Variants in PRUNE2 observed in about 807,000 individuals in gnomAD.
The protein encoded by PRUNE2 is prune homolog 2 with BCH domain, also known as protein prune homolog 2.
In PRUNE2, 164 loss-of-function variants were observed where a neutral mutation model predicts 252.0. The ratio of observed to expected loss-of-function variants is 0.65; its 90% confidence interval spans 0.57 to 0.74. The LOEUF is 0.74. Ranked by LOEUF, PRUNE2 falls within the 30% of genes least tolerant of loss-of-function variation. PRUNE2 has a pLI of 0.00. For missense variants in PRUNE2, 3,495 were observed against 3,711.0 expected, an observed-to-expected ratio of 0.94 and a Z score of 1.51; for synonymous variants, 1,292 against 1,350.2, an observed-to-expected ratio of 0.96 and a Z score of 0.94.
At chr9:76,792,981 T>C (rs960007308) in intron 6 of PRUNE2, among the ~76,000 whole-genome samples, 11 of 152,354 alleles carry the variant, frequency 7.2e-5, no homozygotes, top group African/African-American at 2.6e-4. Flanking sequence ...GGGGGCTTAC[T>C]AGTCCATTTT....
At chr9:76,823,196 T>C (rs1438223090) in intron 6 of PRUNE2, 1 of 152,912 alleles carries the variant, frequency 6.5e-6, no homozygotes, top group Non-Finnish European at 1.5e-5. Context: ...ATTACCAAAA[T>C]GGCATGCATT....
chr9:76,769,665 T>C (rs1235260786), intron 6 of PRUNE2, among the ~76,000 whole-genome samples: 1 of 152,182 alleles, frequency 6.6e-6, no homozygotes, highest in Admixed American at 6.5e-5. Flanking sequence ...CATCAGGTGA[T>C]CCGCCCGCCT....
At chr9:76,903,161 C>T (rs1048867643) in intron 1 of PRUNE2, among the ~76,000 whole-genome samples, 3 of 152,146 alleles carry the variant, frequency 2.0e-5, no homozygotes, top group Admixed American at 6.5e-5. Context: ...GAAAAAAAGA[C>T]ACACAATTTT....
chr9:76,752,993 T>A (rs1468702533), intron 6 of PRUNE2, among the ~76,000 whole-genome samples: 1 of 152,226 alleles, frequency 6.6e-6, no homozygotes, highest in Non-Finnish European at 1.5e-5. Flanking sequence ...AAACTATGTA[T>A]TAACTCTAAA....
At chr9:76,668,983 G>A (rs1563977628) in intron 9 of PRUNE2, among the ~76,000 whole-genome samples, 1 of 151,048 alleles carries the variant, frequency 6.6e-6, no homozygotes, top group Non-Finnish European at 1.5e-5. Flanking sequence ...TGTTTTCACA[G>A]TCATCCCTCT....
At chr9:76,867,250 C>A (rs946969787) in intron 1 of PRUNE2, among the ~76,000 whole-genome samples, 1 of 126,714 alleles carries the variant, frequency 7.9e-6, no homozygotes, top group African/African-American at 2.8e-5. Context: ...TCATGGCTTT[C>A]TTTTTTATCT....
intron 4 of PRUNE2, among the ~76,000 whole-genome samples, chr9:76,838,645 CAAAAAAAAAAAAAAA>C (rs10540002): frequency 2.4e-5 from 2 of 84,654 alleles, no homozygotes; most frequent in Non-Finnish European, 4.9e-5. Flanking sequence ...AACTCTGTCT[CAAAAAAAAAAAAAAA>C]AAAAAAAAAC....
At position 76,619,093 on chromosome 9, in the gene PRUNE2, C is replaced by T. The variant is rs577935926; in HGVS notation, c.9236+247G>A. 4.6e-5 allele frequency among the ~76,000 whole-genome samples: 7 copies of T among 152,310 alleles called. No homozygotes were observed. In the South Asian group the frequency reaches 1.4e-3, roughly 32 times the overall value. ...TCTGGTCCTAATATTCATTTTCTTC[C>T]CATTTTTGGATTGGAAAAATAGAAT... On this transcript the variant is annotated intron_variant, in intron 18 of 18. Coordinates refer to ENST00000376718, the MANE Select transcript of PRUNE2 (RefSeq NM_015225.3).
rs557835736 is a variant in PRUNE2 at position 76,672,027 on chromosome 9, G to C, written c.8277-16525C>G. Among the ~76,000 whole-genome samples the C allele has an allele frequency of 6.1e-3, 920 of 149,936 alleles. 7 individuals carry two copies. Among genetic ancestry groups the C allele is most frequent in the African/African-American group, 0.021 (869 of 41,154 alleles). On this transcript the variant is annotated intron_variant, in intron 9 of 18. Transcript: ENST00000376718. ...CAAAATAACCAGCTAACATCATAATGACAGGATCAAATTCACACATAACAA... is the reference window on the plus strand; with the variant it reads ...CAAAATAACCAGCTAACATCATAATCACAGGATCAAATTCACACATAACAA...
chr9:76,722,379 T>C (rs2047725173), intron 6 of PRUNE2, among the ~76,000 whole-genome samples: 4 of 152,160 alleles, frequency 2.6e-5, no homozygotes, highest in Admixed American at 1.3e-4. Flanking sequence ...CTACACTCTA[T>C]TGTTCTTGTT....
At chr9:76,867,566 T>TTTG (rs570309622) in intron 1 of PRUNE2, among the ~76,000 whole-genome samples, 22 of 151,974 alleles carry the variant, frequency 1.4e-4, no homozygotes, top group South Asian at 1.3e-3. Flanking sequence ...GTTTTGCTCT[T>TTTG]TTGTTGTTGT....
intron 1 of PRUNE2, among the ~76,000 whole-genome samples, chr9:76,892,511 A>C (rs2062546579): frequency 1.3e-5 from 2 of 152,256 alleles, no homozygotes; most frequent in Admixed American, 1.3e-4. Context: ...TAACAATAGC[A>C]AAAAGGAGGG....
In PRUNE2 at chr9:76,850,588, C is replaced by A. The variant is rs929240367; in HGVS notation, c.219G>T (p.Arg73Ser). The change falls in exon 3 of 19, where the codon AGG (arginine) becomes AGT (serine). Residue 73 changes from arginine (R) to serine (S), a missense_variant. Arg to Ser is a moderately radical substitution (Grantham distance 110). Transcript: ENST00000376718. The part of the protein sequence containing the change: ...RTEFNYFTET[R>S]FILEELNISE... ...AAATATTTAGCTCTTCTAAAATAAA[C>A]CTCGTCTCGGTGAAGTAGTTGAATT... The A allele has an allele frequency of 6.2e-7, 1 of 1,613,982 alleles. No homozygotes were observed. The highest frequency in any genetic ancestry group is 8.5e-7 in the Non-Finnish European group (1 of 1,179,898).
intron 9 of PRUNE2, among the ~76,000 whole-genome samples, chr9:76,663,360 G>C (rs942823936): frequency 6.6e-6 from 1 of 152,220 alleles, no homozygotes; most frequent in African/African-American, 2.4e-5. Flanking sequence ...GTGAGAGCTG[G>C]AAACTGACTG....
In PRUNE2 at chr9:76,709,367, G is replaced by A; in HGVS notation, c.2907C>T (p.Thr969=). The change falls in exon 8 of 19, where the codon ACC becomes ACT. Residue 969 remains threonine, a synonymous_variant. Coordinates refer to ENST00000376718, the MANE Select transcript of PRUNE2 (RefSeq NM_015225.3). ...ATGTTGGTGATGTGTAAGAGTCTGA[G>A]GTGGAATAATTGGTATCTAAGGGGG... The part of the protein sequence containing the change: ...VPSPLDTNYS[T]SDSYTSPTFA... 1 of 1,613,998 alleles carries A rather than the reference G, an allele frequency of 6.2e-7. No homozygotes were observed. Among genetic ancestry groups the A allele is most frequent in the Non-Finnish European group, 8.5e-7 (1 of 1,179,876 alleles).
In PRUNE2 at chr9:76,703,615, G is replaced by A. The variant is rs774280991; in HGVS notation, c.7998C>T (p.Leu2666=). The A allele has an allele frequency of 1.8e-5, 29 of 1,612,702 alleles. No homozygotes were observed. Among genetic ancestry groups the A allele is most frequent in the South Asian group, 9.9e-5 (9 of 91,086 alleles). Residue 2666 remains leucine (L), a synonymous_variant, in exon 9 of 19, where the codon CTC becomes CTT. Coordinates refer to ENST00000376718, the MANE Select transcript of PRUNE2 (RefSeq NM_015225.3). ...GCAGCTGGGGACCCTCACCCAAGCC[G>A]AGTTCAGAGAACGGCTCCACAGTCT... The part of the protein sequence containing the change: ...SGKTVEPFSE[L]GLGEGPQLQI...
At chr9:76,860,545 A>T (rs2060491992) in intron 1 of PRUNE2, among the ~76,000 whole-genome samples, 1 of 152,244 alleles carries the variant, frequency 6.6e-6, no homozygotes, top group African/African-American at 2.4e-5. Flanking sequence ...TGGTTTCACA[A>T]GGAGCCCTTG....
intron 9 of PRUNE2, among the ~76,000 whole-genome samples, chr9:76,698,047 A>G (rs1485190184): frequency 1.1e-5 from 1 of 91,880 alleles, no homozygotes; most frequent in Non-Finnish European, 2.5e-5. Context: ...TGCAAATGTA[A>G]AGGATTTTTT....
At chr9:76,662,253 T>C (rs2039238912) in intron 9 of PRUNE2, among the ~76,000 whole-genome samples, 1 of 152,234 alleles carries the variant, frequency 6.6e-6, no homozygotes, top group African/African-American at 2.4e-5. Context: ...TCTCTAATGA[T>C]CCTGAATACC....
Sources: allele counts gnomAD v4.1 joint callset (sites outside exome capture counted in the v4.1 genomes callset), GRCh38; gene constraint gnomAD v4.1.1; transcripts MANE v1.5; gene names NCBI Gene and HGNC (gene_info 2026-07-23, HGNC 2026-07-21).